EPHA3: variants seen among roughly 807,000 people sequenced by gnomAD.
EPHA3 encodes the protein EPH receptor A3, also known as ephrin type-A receptor 3.
Under a neutral mutation model 107.1 loss-of-function variants are expected in EPHA3, and 42 were observed. The ratio of observed to expected loss-of-function variants is 0.39; its 90% CI spans 0.31 to 0.51. The LOEUF is 0.51. EPHA3 is among the 20% of genes least tolerant of loss of function. The pLI is 0.78. For synonymous variants in EPHA3, 461 were observed against 424.8 expected (o/e 1.09, Z -1.05); for missense variants, 1,183 against 1,211.2 (o/e 0.98, Z 0.35).
intron 3 of EPHA3, among the ~76,000 whole-genome samples, chr3:89,219,864 A>G (rs191997650): frequency 0.016 from 2,324 of 146,202 alleles, 52 homozygotes; most frequent in African/African-American, 0.053. Context: ...GCCCGCCACT[A>G]CGCCCGGCTA....
intron 5 of EPHA3, among the ~76,000 whole-genome samples, chr3:89,362,677 T>C (rs1708117116): frequency 6.6e-6 from 1 of 150,868 alleles, no homozygotes; most frequent in South Asian, 2.1e-4. Flanking sequence ...ACATGTGTGA[T>C]TGGGTGTTTG....
At chr3:89,276,363 G>T (rs1488132793) in intron 3 of EPHA3, among the ~76,000 whole-genome samples, 1 of 152,014 alleles carries the variant, frequency 6.6e-6, no homozygotes, top group Non-Finnish European at 1.5e-5. Flanking sequence ...TTAAATTATT[G>T]ATCAAACCTG....
chr3:89,150,287 C>A (rs945382201), intron 2 of EPHA3, among the ~76,000 whole-genome samples: 4 of 151,900 alleles, frequency 2.6e-5, no homozygotes, highest in Admixed American at 6.6e-5. Flanking sequence ...ACAAATAATT[C>A]AAATTTTAAG....
At position 89,407,148 on chromosome 3, in the gene EPHA3, A is replaced by C. The variant is rs920384316; in HGVS notation, c.1595-121A>C. 2.8e-5 allele frequency: 18 copies of C among 651,296 alleles called. No homozygotes were observed. In the African/African-American group the frequency reaches 3.3e-4, roughly 12 times the overall value. The allele number at this position is 651,296 out of a possible 1,614,324, so 40.3% of individuals were successfully genotyped here. On this transcript the variant is annotated intron_variant, in intron 7 of 16. Transcript: ENST00000336596. ...ACTTTCAACATTGTATCAGACATTAAGCCATACTTCAGGTAAAAGTAGAAC... is the reference window on the plus strand; with the variant it reads ...ACTTTCAACATTGTATCAGACATTACGCCATACTTCAGGTAAAAGTAGAAC...
chr3:89,467,600 T>C (rs1427668847), intron 15 of EPHA3, among the ~76,000 whole-genome samples: 13 of 152,198 alleles, frequency 8.5e-5, no homozygotes, highest in Admixed American at 7.9e-4. Flanking sequence ...CAGTTGTTTA[T>C]TGAGCTTTTT....
intron 2 of EPHA3, among the ~76,000 whole-genome samples, chr3:89,172,602 T>C (rs1353967013): frequency 6.6e-6 from 1 of 152,164 alleles, no homozygotes; most frequent in Non-Finnish European, 1.5e-5. Flanking sequence ...AGTGGATCCA[T>C]TGGAAGCTAT....
intron 15 of EPHA3, among the ~76,000 whole-genome samples, chr3:89,451,199 A>C (rs1308469166): frequency 6.6e-6 from 1 of 152,200 alleles, no homozygotes; most frequent in African/African-American, 2.4e-5. Flanking sequence ...CTGGATGCAC[A>C]AAGTCTATTT....
chr3:89,476,722 C>T (rs965834241), intron 16 of EPHA3, among the ~76,000 whole-genome samples: 14 of 151,768 alleles, frequency 9.2e-5, no homozygotes, highest in African/African-American at 3.4e-4. Flanking sequence ...ATTCTCCTGC[C>T]TCAGCCTCCG....
At chr3:89,351,959 C>A (rs1220939422) in intron 5 of EPHA3, among the ~76,000 whole-genome samples, 2 of 147,148 alleles carry the variant, frequency 1.4e-5, no homozygotes, top group African/African-American at 5.0e-5. Flanking sequence ...AGGAAGAAGA[C>A]CAACACTTAT....
chr3:89,151,625 G>A (rs1704692554), intron 2 of EPHA3, among the ~76,000 whole-genome samples: 1 of 152,062 alleles, frequency 6.6e-6, no homozygotes, highest in Non-Finnish European at 1.5e-5. Context: ...AAGAAAATTA[G>A]ACTTGTGTAT....
chr3:89,219,170 T>A (rs2107201103), intron 3 of EPHA3, among the ~76,000 whole-genome samples: 1 of 152,246 alleles, frequency 6.6e-6, no homozygotes, highest in Non-Finnish European at 1.5e-5. Flanking sequence ...AACAACATTT[T>A]TTTTTTTTTC....
At chr3:89,330,530 G>A (rs752801838) in intron 3 of EPHA3, among the ~76,000 whole-genome samples, 49 of 151,988 alleles carry the variant, frequency 3.2e-4, no homozygotes, top group Non-Finnish European at 6.5e-4. Context: ...ATATTAAGGT[G>A]TGAATTTGAA....
At chr3:89,473,770 AAAG>A (rs1045193126) in intron 16 of EPHA3, among the ~76,000 whole-genome samples, 7 of 152,144 alleles carry the variant, frequency 4.6e-5, no homozygotes, top group African/African-American at 1.2e-4. Context: ...TTTATCTTCA[AAAG>A]AAGTAGAATG....
At chr3:89,235,023 TTCCC>T (rs369198690) in intron 3 of EPHA3, among the ~76,000 whole-genome samples, 1,698 of 120,354 alleles carry the variant, frequency 0.014, 52 homozygotes, top group African/African-American at 0.048. Flanking sequence ...TTCCCTCCCC[TTCCC>T]TCCCTCCCTC....
intron 13 of EPHA3, among the ~76,000 whole-genome samples, chr3:89,445,233 C>T (rs552375231): frequency 1.3e-5 from 2 of 152,144 alleles, no homozygotes; most frequent in Admixed American, 6.5e-5. Context: ...ACTGCACCAC[C>T]GCATTCCAGA....
intron 2 of EPHA3, among the ~76,000 whole-genome samples, chr3:89,201,183 A>G (rs181977104): frequency 4.7e-4 from 71 of 152,264 alleles, no homozygotes; most frequent in African/African-American, 1.7e-3. Context: ...CAGGAGGAAG[A>G]AAGAGCAAAG....
At chr3:89,237,430 C>T (rs766942220) in intron 3 of EPHA3, among the ~76,000 whole-genome samples, 1 of 152,070 alleles carries the variant, frequency 6.6e-6, no homozygotes, top group Non-Finnish European at 1.5e-5. Context: ...TTTCACAAAC[C>T]AAGGATTATG....
intron 2 of EPHA3, among the ~76,000 whole-genome samples, chr3:89,130,848 A>G (rs9851635): frequency 0.82 from 124,442 of 152,028 alleles, 50,909 homozygotes; most frequent in Admixed American, 0.87. Flanking sequence ...GTGTAAGCCA[A>G]GATGGACTCG....
chr3:89,111,257 A>G (rs1280449871), intron 1 of EPHA3, among the ~76,000 whole-genome samples: 2 of 151,980 alleles, frequency 1.3e-5, no homozygotes, highest in Non-Finnish European at 1.5e-5. Context: ...TAAATAATCA[A>G]TTTTTTCATT....
Sources: gnomAD v4.1 joint callset for allele counts (sites outside exome capture counted in the v4.1 genomes callset) on GRCh38, gnomAD v4.1.1 for gene constraint, MANE v1.5 for transcripts, NCBI Gene and HGNC (gene_info 2026-07-23, HGNC 2026-07-21) for gene names.